The following MARCHF1 variants were observed in gnomAD, a reference collection of about 807,000 sequenced individuals.
The protein encoded by MARCHF1 is E3 ubiquitin-protein ligase MARCHF1.
MARCHF1 carries 40 observed loss-of-function variants against 54.2 expected under a neutral mutation model. The ratio of observed to expected loss-of-function variants is 0.74; its 90% CI spans 0.57 to 0.96. The LOEUF (loss-of-function observed/expected upper bound fraction) is 0.96. MARCHF1 is among the 40% of genes least tolerant of loss of function. MARCHF1 has a pLI of 0.00. For synonymous variants in MARCHF1, 236 were observed against 236.3 expected (o/e 1.00, Z 0.01); for missense variants, 586 against 656.5 (o/e 0.89, Z 1.17).
At chr4:164,241,760 G>C (rs1191865812) in intron 1 of MARCHF1, among the ~76,000 whole-genome samples, 1 of 152,216 alleles carries the variant, frequency 6.6e-6, no homozygotes, top group African/African-American at 2.4e-5. Context: ...GCACAGGTCA[G>C]TGGGTGCGCG....
chr4:164,054,241 G>T (rs1482613981), intron 2 of MARCHF1, among the ~76,000 whole-genome samples: 1 of 151,994 alleles, frequency 6.6e-6, no homozygotes, highest in East Asian at 1.9e-4. Context: ...TCTCACACCA[G>T]TTAGAATGGC....
intron 1 of MARCHF1, among the ~76,000 whole-genome samples, chr4:164,268,720 T>G (rs1426117606): frequency 1.3e-5 from 2 of 152,202 alleles, no homozygotes; most frequent in Non-Finnish European, 2.9e-5. Flanking sequence ...TTCTGACTAC[T>G]ATTAAAATAT....
chr4:163,792,264 A>G (rs560110389), intron 4 of MARCHF1, among the ~76,000 whole-genome samples: 1 of 152,192 alleles, frequency 6.6e-6, no homozygotes, highest in African/African-American at 2.4e-5. Context: ...AAATCCCAAT[A>G]GCAAAATATA....
intron 9 of MARCHF1, among the ~76,000 whole-genome samples, chr4:163,535,753 C>CT (rs34118311): frequency 0.044 from 6,275 of 144,122 alleles, 473 homozygotes; most frequent in African/African-American, 0.15. Context: ...TATAGAAGGG[C>CT]TTTTTTTTTT....
In MARCHF1 at chr4:163,634,069, C is replaced by T. The variant is rs902309624; in HGVS notation, c.163-20676G>A. On this transcript the variant is annotated intron_variant, in intron 5 of 9. Coordinates refer to ENST00000514618, the MANE Select transcript of MARCHF1 (RefSeq NM_001394959.1). Reference sequence around the variant, plus strand: ...GCTGAGAGATTCTGTCACCACCAGGCCTGCCCTAAAAGAGCTCCTGAAGGA... The same window carrying T: ...GCTGAGAGATTCTGTCACCACCAGGTCTGCCCTAAAAGAGCTCCTGAAGGA... 6.8e-4 allele frequency among the ~76,000 whole-genome samples: 104 copies of T among 152,140 alleles called. 1 individual carries two copies. The highest frequency in any genetic ancestry group is 2.4e-3 in the African/African-American group (99 of 41,430).
intron 3 of MARCHF1, among the ~76,000 whole-genome samples, chr4:163,886,829 T>G (rs185831912): frequency 1.3e-5 from 2 of 152,114 alleles, no homozygotes; most frequent in Non-Finnish European, 2.9e-5. Context: ...GAGGAACACA[T>G]TTTCTAAAGA....
intron 1 of MARCHF1, among the ~76,000 whole-genome samples, chr4:164,171,161 C>A (rs1730515625): frequency 6.6e-6 from 1 of 151,812 alleles, no homozygotes; most frequent in African/African-American, 2.4e-5. Flanking sequence ...CATGTATTTG[C>A]ACTTAATAGT....
At chr4:163,742,239 T>TC (rs1746217387) in intron 4 of MARCHF1, among the ~76,000 whole-genome samples, 1 of 152,102 alleles carries the variant, frequency 6.6e-6, no homozygotes, top group Non-Finnish European at 1.5e-5. Flanking sequence ...TAATTCCTCT[T>TC]CCTCAGACTG....
intron 1 of MARCHF1, among the ~76,000 whole-genome samples, chr4:164,113,697 TA>T (rs1186981265): frequency 7.9e-5 from 12 of 151,602 alleles, no homozygotes; most frequent in East Asian, 1.9e-4. Flanking sequence ...CAGGGAGGGG[TA>T]GGGGGGATGT....
chr4:163,552,613 T>C (rs1352455549), intron 8 of MARCHF1, among the ~76,000 whole-genome samples: 1 of 152,196 alleles, frequency 6.6e-6, no homozygotes, highest in Admixed American at 6.5e-5. Flanking sequence ...ATTAGCTGTT[T>C]GACAGGATCA....
intron 3 of MARCHF1, among the ~76,000 whole-genome samples, chr4:163,972,165 A>G (rs1752558593): frequency 6.6e-6 from 1 of 151,822 alleles, no homozygotes; most frequent in African/African-American, 2.4e-5. Context: ...ACATGGACAC[A>G]GGGAGGGGAA....
chr4:163,974,404 T>C (rs1752609173), intron 3 of MARCHF1, among the ~76,000 whole-genome samples: 1 of 152,212 alleles, frequency 6.6e-6, no homozygotes, highest in South Asian at 2.1e-4. Context: ...GTGTTTCAGT[T>C]GGCAGTCCTA....
intron 2 of MARCHF1, among the ~76,000 whole-genome samples, chr4:164,010,256 T>C (rs1014917726): frequency 7.3e-6 from 1 of 136,586 alleles, no homozygotes; most frequent in Non-Finnish European, 1.5e-5. Context: ...TGTTTTTTGG[T>C]TTTTTTTTTT....
chr4:163,953,676 C>T (rs763639674), intron 3 of MARCHF1, among the ~76,000 whole-genome samples: 64 of 152,038 alleles, frequency 4.2e-4, no homozygotes, highest in Admixed American at 1.5e-3. Flanking sequence ...AGCCTGGAGT[C>T]CAAATCCATC....
chr4:164,360,916 C>T (rs1159968918), intron 1 of MARCHF1, among the ~76,000 whole-genome samples: 1 of 151,798 alleles, frequency 6.6e-6, no homozygotes, highest in Non-Finnish European at 1.5e-5. Flanking sequence ...TTATCTTAGG[C>T]AAATACACAT....
chr4:164,240,798 C>G (rs900978798), intron 1 of MARCHF1, among the ~76,000 whole-genome samples: 1 of 152,018 alleles, frequency 6.6e-6, no homozygotes, highest in African/African-American at 2.4e-5. Context: ...TCATGACATT[C>G]TTTGTTGGGG....
chr4:164,268,752 T>TA (rs1313598970), intron 1 of MARCHF1, among the ~76,000 whole-genome samples: 6 of 152,132 alleles, frequency 3.9e-5, no homozygotes, highest in African/African-American at 1.2e-4. Flanking sequence ...CAGAAAGATA[T>TA]AAAAAAAGAA....
At chr4:163,842,824 A>C (rs1470335060) in intron 4 of MARCHF1, among the ~76,000 whole-genome samples, 1 of 152,142 alleles carries the variant, frequency 6.6e-6, no homozygotes, top group Non-Finnish European at 1.5e-5. Context: ...TTCACTGTTT[A>C]CTGGGAATAC....
intron 8 of MARCHF1, among the ~76,000 whole-genome samples, chr4:163,568,256 G>A (rs1739716131): frequency 6.6e-6 from 1 of 151,952 alleles, no homozygotes; most frequent in Non-Finnish European, 1.5e-5. Context: ...GTGTCCTCTG[G>A]GGACCCTGAG....
Sources: allele counts gnomAD v4.1 joint callset (sites outside exome capture counted in the v4.1 genomes callset), GRCh38; gene constraint gnomAD v4.1.1; transcripts MANE v1.5; gene names NCBI Gene and HGNC (gene_info 2026-07-23, HGNC 2026-07-21).